Variants in FARP2 observed in about 807,000 individuals in gnomAD.
FARP2 encodes FERM, ARHGEF and pleckstrin domain-containing protein 2.
In FARP2, 111 loss-of-function variants were observed where a neutral mutation model predicts 130.5. That is an observed-to-expected ratio of 0.85 (90% confidence interval 0.73 to 1.00). The LOEUF (loss-of-function observed/expected upper bound fraction) is 1.00. FARP2 is among the 50% of genes least tolerant of loss of function. FARP2 has a pLI of 0.00. For missense variants in FARP2, 1,385 were observed against 1,346.3 expected, an observed-to-expected ratio of 1.03 and a Z score of -0.45; for synonymous variants, 504 against 516.9, an observed-to-expected ratio of 0.98 and a Z score of 0.34.
At chr2:241,360,064 A>G (rs764950783) in intron 1 of FARP2, among the ~76,000 whole-genome samples, 1 of 151,222 alleles carries the variant, frequency 6.6e-6, no homozygotes, top group Non-Finnish European at 1.5e-5. Context: ...CACTTTACTC[A>G]CTCCAAGGCA....
chr2:241,426,449 G>A (rs953282875), intron 8 of FARP2, among the ~76,000 whole-genome samples: 1 of 152,216 alleles, frequency 6.6e-6, no homozygotes, highest in Non-Finnish European at 1.5e-5. Flanking sequence ...CCAACAATTA[G>A]GAGAGTGTGG....
chr2:241,476,923 G>A (rs923709467), intron 19 of FARP2, among the ~76,000 whole-genome samples: 2 of 151,982 alleles, frequency 1.3e-5, no homozygotes, highest in African/African-American at 4.8e-5. Flanking sequence ...ACTCTGTTCT[G>A]AGGTAACCCT....
At chr2:241,467,641 CAAAA>C (rs397957562) in intron 17 of FARP2, among the ~76,000 whole-genome samples, 15 of 112,026 alleles carry the variant, frequency 1.3e-4, no homozygotes, top group African/African-American at 4.4e-4. Flanking sequence ...GATCCAGTCT[CAAAA>C]AAAAAAAAAA....
chr2:241,376,664 G>A (rs985768617), intron 2 of FARP2, among the ~76,000 whole-genome samples: 1 of 152,256 alleles, frequency 6.6e-6, no homozygotes, highest in African/African-American at 2.4e-5. Flanking sequence ...TTGTCCACTT[G>A]TCTCATTCGT....
chr2:241,456,020 C>G (rs2150453639), intron 13 of FARP2, among the ~76,000 whole-genome samples: 1 of 151,340 alleles, frequency 6.6e-6, no homozygotes, highest in Middle Eastern at 3.4e-3. Flanking sequence ...TAGAAATTAA[C>G]CTTTGAGAAT....
intron 7 of FARP2, among the ~76,000 whole-genome samples, chr2:241,414,964 C>T (rs2062626334): frequency 6.6e-6 from 1 of 152,168 alleles, no homozygotes; most frequent in Non-Finnish European, 1.5e-5. Flanking sequence ...GTAGAAGTGC[C>T]AACTGATACT....
At chr2:241,368,899 A>AT (rs1285421549) in intron 1 of FARP2, among the ~76,000 whole-genome samples, 1 of 152,156 alleles carries the variant, frequency 6.6e-6, no homozygotes, top group Non-Finnish European at 1.5e-5. Context: ...AAGCTGAGTA[A>AT]TTATTAAACG....
chr2:241,473,186 C>T (rs2064364827), intron 18 of FARP2, among the ~76,000 whole-genome samples: 1 of 150,128 alleles, frequency 6.7e-6, no homozygotes, highest in Non-Finnish European at 1.5e-5. Flanking sequence ...TGTGGGCATC[C>T]TGTTCTGTGT....
chr2:241,465,386 A>G, intron 17 of FARP2: 1 of 1,170,858 alleles, frequency 8.5e-7, no homozygotes. Context: ...GAGTCCCCAT[A>G]GCTGCTGTGG....
intron 21 of FARP2, among the ~76,000 whole-genome samples, chr2:241,487,738 A>G (rs1170626179): frequency 3.2e-5 from 4 of 126,248 alleles, no homozygotes; most frequent in African/African-American, 1.2e-4. Flanking sequence ...AGCTTAGCCT[A>G]GCCTACTCTT....
chr2:241,424,076 T>G (rs2062872723), intron 8 of FARP2, among the ~76,000 whole-genome samples: 1 of 152,112 alleles, frequency 6.6e-6, no homozygotes, highest in Admixed American at 6.6e-5. Flanking sequence ...TTTCTGAAAA[T>G]ATTCAGGACC....
At chr2:241,385,471 C>T (rs770185069) in intron 2 of FARP2, among the ~76,000 whole-genome samples, 2 of 152,064 alleles carry the variant, frequency 1.3e-5, no homozygotes, top group Non-Finnish European at 2.9e-5. Flanking sequence ...CCTATAATCC[C>T]GGCACTTTTG....
At chr2:241,436,632 T>G (rs572512507) in intron 12 of FARP2, 94 bp downstream of exon 12, 1 of 1,010,284 alleles carries the variant, frequency 9.9e-7, no homozygotes, top group Middle Eastern at 2.1e-4. Flanking sequence ...GTCTTAAAAT[T>G]AATCATATTA....
intron 6 of FARP2, among the ~76,000 whole-genome samples, chr2:241,413,100 A>G (rs2062565662): frequency 6.6e-6 from 1 of 152,234 alleles, no homozygotes; most frequent in South Asian, 2.1e-4. Context: ...TTTGTTCTTC[A>G]AGAAATCCTC....
rs1559786201 is a variant in FARP2, at chr2:241,453,768, G to GTTTTTTTTTTTTTTTTTTTTTTT, written c.1412-2979_1412-2978insTTTTTTTTTTTTTTTTTTTTTTT. 6.0e-5 allele frequency among the ~76,000 whole-genome samples: 6 copies of GTTTTTTTTTTTTTTTTTTTTTTT among 99,896 alleles called. 3 individuals carry two copies. Among genetic ancestry groups the GTTTTTTTTTTTTTTTTTTTTTTT allele is most frequent in the Admixed American group, 2.6e-4 (2 of 7,826 alleles). The allele number at this position is 99,896 out of a possible 152,430, so 65.5% of individuals were successfully genotyped here. A position where few individuals can be genotyped will look rare whatever the true frequency, so the allele number is the denominator to read the frequency against. On this transcript the variant is annotated intron_variant, in intron 13 of 26. Coordinates refer to ENST00000264042, the MANE Select transcript of FARP2 (RefSeq NM_014808.4). ...TTGTTTACTGGGAGTGGCACTTACT[G>GTTTTTTTTTTTTTTTTTTTTTTT]GTTTTTTTTTTTTTTTTTTTTTTTT...
At chr2:241,407,051 G>A (rs964430484) in intron 4 of FARP2, among the ~76,000 whole-genome samples, 11 of 150,254 alleles carry the variant, frequency 7.3e-5, no homozygotes, top group East Asian at 2.0e-4. Flanking sequence ...CTTGTGATCC[G>A]CCCCCCTCAG....
rs57828148 is a variant in FARP2 at position 241,480,532 on chromosome 2, GTT to G, written c.2263-2923_2263-2922del. Among the ~76,000 whole-genome samples, 6 of 149,248 alleles carry G rather than the reference GTT, an allele frequency of 4.0e-5. No individual in the cohort carries two copies. In the East Asian group the frequency reaches 5.9e-4, roughly 15 times the overall value. ...GATACAATAGATAGGCTTGTGTTGT[GTT>G]TTTTTTTTTAAATTTAAAGATATTA... On this transcript the variant is annotated intron_variant, in intron 19 of 26. Coordinates refer to ENST00000264042, the MANE Select transcript of FARP2 (RefSeq NM_014808.4).
chr2:241,458,667 C>T (rs1340133066), intron 14 of FARP2, among the ~76,000 whole-genome samples: 1 of 151,320 alleles, frequency 6.6e-6, no homozygotes, highest in Non-Finnish European at 1.5e-5. Flanking sequence ...CTTTAGTTCA[C>T]TGTTTCTTTG....
intron 13 of FARP2, among the ~76,000 whole-genome samples, chr2:241,451,453 A>G (rs1371295053): frequency 6.6e-6 from 1 of 152,194 alleles, no homozygotes; most frequent in South Asian, 2.1e-4. Context: ...AATGTTGGCA[A>G]TTGAAGTCTT....
Sources: allele counts gnomAD v4.1 joint callset (sites outside exome capture counted in the v4.1 genomes callset), GRCh38; gene constraint gnomAD v4.1.1; transcripts MANE v1.5; gene names NCBI Gene and HGNC (gene_info 2026-07-23, HGNC 2026-07-21).